Variants in RIMS2 observed in about 807,000 individuals in gnomAD.
RIMS2 encodes regulating synaptic membrane exocytosis 2.
RIMS2 carries 59 observed loss-of-function variants against 174.4 expected under a neutral mutation model. The ratio of observed to expected loss-of-function variants is 0.34; its 90% CI spans 0.27 to 0.42. The LOEUF is 0.42. RIMS2 is among the 10% of genes least tolerant of loss of function. The probability of loss-of-function intolerance (pLI) is 1.00; values close to 1 mark genes in which losing one functional copy is unlikely to be tolerated. For synonymous variants in RIMS2, 606 were observed against 572.5 expected, an observed-to-expected ratio of 1.06 and a Z score of -0.84; for missense variants, 1,620 against 1,666.3, an observed-to-expected ratio of 0.97 and a Z score of 0.48.
chr8:103,869,831 T>C (rs893142458), intron 3 of RIMS2, among the ~76,000 whole-genome samples: 23 of 152,172 alleles, frequency 1.5e-4, no homozygotes, highest in African/African-American at 5.6e-4. Context: ...GGATCTTAAT[T>C]TTAATCTTGG....
chr8:103,799,891 C>G (rs927908615), intron 3 of RIMS2, among the ~76,000 whole-genome samples: 2 of 152,072 alleles, frequency 1.3e-5, no homozygotes, highest in East Asian at 3.8e-4. Flanking sequence ...CTCTTTTAGT[C>G]ATGATTAAAA....
chr8:103,563,042 A>C (rs905114545), intron 1 of RIMS2, among the ~76,000 whole-genome samples: 1 of 152,130 alleles, frequency 6.6e-6, no homozygotes, highest in African/African-American at 2.4e-5. Context: ...CTGGCCCACA[A>C]AACCAGTTTT....
chr8:104,100,477 C>T, intron 19 of RIMS2, among the ~76,000 whole-genome samples: 1 of 151,956 alleles, frequency 6.6e-6, no homozygotes, highest in East Asian at 1.9e-4. Flanking sequence ...TGTTGGTTAA[C>T]TTATGGCTAG....
chr8:103,810,270 C>T (rs764691023), intron 3 of RIMS2, among the ~76,000 whole-genome samples: 12 of 152,102 alleles, frequency 7.9e-5, no homozygotes, highest in Non-Finnish European at 1.2e-4. Context: ...GTTCTAGTGG[C>T]CTCCTGGGCT....
At chr8:103,791,916 T>C (rs2098502761) in intron 3 of RIMS2, among the ~76,000 whole-genome samples, 1 of 152,120 alleles carries the variant, frequency 6.6e-6, no homozygotes, top group Admixed American at 6.6e-5. Context: ...CCCAGATTCA[T>C]AAAGCAAGTC....
intron 13 of RIMS2, among the ~76,000 whole-genome samples, chr8:103,938,792 G>A (rs2081901100): frequency 6.6e-6 from 1 of 152,182 alleles, no homozygotes; most frequent in Non-Finnish European, 1.5e-5. Context: ...GGTAAATACA[G>A]CCATTACAAA....
chr8:103,515,920 T>TTTGC (rs1257971039), intron 1 of RIMS2, among the ~76,000 whole-genome samples: 9 of 152,266 alleles, frequency 5.9e-5, no homozygotes, highest in South Asian at 2.1e-4. Flanking sequence ...TTGCTGACTA[T>TTTGC]AGATTCATTA....
rs1405567540 is a variant in RIMS2, at chr8:103,778,920, T to G, written c.698+12383T>G. On this transcript the variant is annotated intron_variant, in intron 3 of 23. Coordinates refer to ENST00000504942, the Ensembl canonical transcript of RIMS2. Reference sequence around the variant, plus strand: ...CATCCTCACCAGTATCCCTTATCCTTGTCTTTTTGAAGAAGTCATTTTAAC... The same window carrying G: ...CATCCTCACCAGTATCCCTTATCCTGGTCTTTTTGAAGAAGTCATTTTAAC... Among the ~76,000 whole-genome samples, 3 of 152,140 alleles carry G rather than the reference T, an allele frequency of 2.0e-5. No individual in the cohort carries two copies. The East Asian group carries it at 5.8e-4, about 29-fold the overall frequency.
chr8:103,538,858 C>T (rs1227914097), intron 1 of RIMS2, among the ~76,000 whole-genome samples: 1 of 152,208 alleles, frequency 6.6e-6, no homozygotes, highest in East Asian at 1.9e-4. Context: ...TTAGCTCCCA[C>T]ATATCAGTGA....
At chr8:103,836,782 A>G (rs920923450) in intron 3 of RIMS2, among the ~76,000 whole-genome samples, 1 of 152,248 alleles carries the variant, frequency 6.6e-6, no homozygotes, top group Non-Finnish European at 1.5e-5. Context: ...ATGAAAATAC[A>G]CATAGAGAAA....
At chr8:104,022,132 A>C (rs10108895) in intron 19 of RIMS2, among the ~76,000 whole-genome samples, 38,492 of 152,068 alleles carry the variant, frequency 0.25, 5,281 homozygotes, top group African/African-American at 0.35. Flanking sequence ...AGAAGTTAAA[A>C]TCTTGTGACA....
At chr8:103,613,466 G>A (rs1300420589) in intron 1 of RIMS2, among the ~76,000 whole-genome samples, 1 of 152,146 alleles carries the variant, frequency 6.6e-6, no homozygotes, top group Admixed American at 6.5e-5. Context: ...CTCCCCTCTG[G>A]CCTAGGGCAG....
At chr8:103,921,853 T>G (rs748184334) in intron 10 of RIMS2, 69 bp downstream of exon 13, 1 of 653,352 alleles carries the variant, frequency 1.5e-6, no homozygotes, top group Non-Finnish European at 2.7e-6. Context: ...TGATGCTTGT[T>G]TTTTACAAAC....
chr8:104,118,701 C>G (rs1053604766), intron 19 of RIMS2, among the ~76,000 whole-genome samples: 2 of 151,986 alleles, frequency 1.3e-5, no homozygotes, highest in African/African-American at 4.8e-5. Context: ...GTTTTAGTCA[C>G]CTCAGGCTGC....
At chr8:104,145,671 CAATAAATAAATAAATAAATA>C (rs61691382) in intron 19 of RIMS2, among the ~76,000 whole-genome samples, 1 of 132,678 alleles carries the variant, frequency 7.5e-6, no homozygotes, top group Non-Finnish European at 1.6e-5. Flanking sequence ...ACTAAAAATA[CAATAAATAAATAAATAAATA>C]AATAAATAAA....
chr8:103,756,939 G>C (rs2139989890), intron 2 of RIMS2, among the ~76,000 whole-genome samples: 1 of 151,256 alleles, frequency 6.6e-6, no homozygotes, highest in East Asian at 1.9e-4. Flanking sequence ...TTCAAATAAG[G>C]ACAGTTTTAT....
chr8:104,053,603 G>A (rs983913371), intron 19 of RIMS2, among the ~76,000 whole-genome samples: 8 of 151,924 alleles, frequency 5.3e-5, no homozygotes, highest in South Asian at 4.2e-4. Context: ...TCAATATTTC[G>A]GATAATTAAA....
chr8:103,885,305 A>G (rs768211118), exon 4 of RIMS2: 14 of 1,563,754 alleles, frequency 9.0e-6, no homozygotes, highest in Non-Finnish European at 1.1e-5. Flanking sequence ...TAGGAAAAGA[A>G]GCCCATCTGT....
intron 1 of RIMS2, among the ~76,000 whole-genome samples, chr8:103,635,876 G>A (rs997081418): frequency 6.6e-6 from 1 of 152,136 alleles, no homozygotes; most frequent in South Asian, 2.1e-4. Context: ...CACTGTACTA[G>A]GGGGAATTTA....
Sources: allele counts gnomAD v4.1 joint callset (sites outside exome capture counted in the v4.1 genomes callset), GRCh38; gene constraint gnomAD v4.1.1; transcripts MANE v1.5; gene names NCBI Gene and HGNC (gene_info 2026-07-23, HGNC 2026-07-21).